The following DYM variants were observed in gnomAD, a reference collection of about 807,000 sequenced individuals.
DYM encodes the protein dyggve-Melchior-Clausen syndrome protein.
In DYM, 78 loss-of-function variants were observed where a neutral mutation model predicts 93.1. The ratio of observed to expected loss-of-function variants is 0.84; its 90% CI spans 0.70 to 1.01. The LOEUF (loss-of-function observed/expected upper bound fraction) is 1.01, where lower values mean the gene tolerates loss of function less well. Ranked by LOEUF, DYM falls within the 50% of genes least tolerant of loss-of-function variation. The probability of loss-of-function intolerance (pLI) is 0.00; values close to 1 mark genes in which losing one functional copy is unlikely to be tolerated. For synonymous variants in DYM, 321 were observed against 319.7 expected (o/e 1.00, Z -0.04); for missense variants, 789 against 845.0 (o/e 0.93, Z 0.82).
chr18:49,303,867 A>C (rs1400771160), intron 8 of DYM, among the ~76,000 whole-genome samples: 1 of 152,132 alleles, frequency 6.6e-6, no homozygotes, highest in Non-Finnish European at 1.5e-5. Context: ...ACATGGGGGG[A>C]AAATTACTAG....
intron 7 of DYM, 118 bp from the exon 8 acceptor site, chr18:49,332,124 C>T (rs2063351716): frequency 2.8e-6 from 3 of 1,064,532 alleles, no homozygotes; most frequent in Non-Finnish European, 4.2e-6. Flanking sequence ...GGGCTATTGG[C>T]ACAACTCACA....
At chr18:49,164,043 C>A (rs1383416813) in intron 14 of DYM, among the ~76,000 whole-genome samples, 1 of 152,050 alleles carries the variant, frequency 6.6e-6, no homozygotes, top group South Asian at 2.1e-4. Context: ...AACACAGGAG[C>A]ATTTTTCATA....
chr18:49,233,511 T>G (rs2093772067), intron 13 of DYM, among the ~76,000 whole-genome samples: 1 of 152,182 alleles, frequency 6.6e-6, no homozygotes, highest in Admixed American at 6.5e-5. Context: ...TTCTCTTCAA[T>G]CTAACCCTAT....
At chr18:49,270,147 C>T (rs182549325) in intron 11 of DYM, among the ~76,000 whole-genome samples, 1 of 152,312 alleles carries the variant, frequency 6.6e-6, no homozygotes, top group Admixed American at 6.5e-5. Context: ...TGTGTAAGCA[C>T]ACTCTACGAT....
chr18:49,279,973 A>G (rs2094930737), intron 10 of DYM, among the ~76,000 whole-genome samples: 1 of 152,220 alleles, frequency 6.6e-6, no homozygotes, highest in Admixed American at 6.5e-5. Context: ...AAAAATGGTA[A>G]CCAAATACTG....
chr18:49,362,339 A>G (rs1397947481), intron 6 of DYM, among the ~76,000 whole-genome samples: 1 of 152,150 alleles, frequency 6.6e-6, no homozygotes, highest in Non-Finnish European at 1.5e-5. Context: ...CTCTACTTTA[A>G]ATTTTTAAAA....
intron 2 of DYM, among the ~76,000 whole-genome samples, chr18:49,401,851 C>A (rs1333411607): frequency 2.6e-5 from 4 of 151,846 alleles, no homozygotes; most frequent in African/African-American, 9.7e-5. Flanking sequence ...CGTGGCAAAA[C>A]CCCATCTCTA....
intron 13 of DYM, among the ~76,000 whole-genome samples, chr18:49,212,253 G>A (rs925365160): frequency 1.3e-5 from 2 of 152,042 alleles, no homozygotes; most frequent in African/African-American, 4.8e-5. Context: ...TGACTTGGAG[G>A]AGAAAAAAGG....
intron 13 of DYM, among the ~76,000 whole-genome samples, chr18:49,249,625 AG>A (rs1457738537): frequency 6.6e-6 from 1 of 152,124 alleles, no homozygotes; most frequent in Admixed American, 6.5e-5. Flanking sequence ...AAAATAGAGG[AG>A]CTGACCACGT....
intron 8 of DYM, among the ~76,000 whole-genome samples, chr18:49,299,770 A>G (rs907453882): frequency 1.1e-4 from 16 of 152,064 alleles, no homozygotes; most frequent in Admixed American, 3.3e-4. Context: ...TGGTCCGGAC[A>G]CGGTGGCTCA....
chr18:49,166,767 A>T (rs1019230043), intron 14 of DYM, among the ~76,000 whole-genome samples: 2 of 152,176 alleles, frequency 1.3e-5, no homozygotes, highest in African/African-American at 4.8e-5. Flanking sequence ...TGGGTAGTCA[A>T]TTCTTGCACA....
intron 14 of DYM, among the ~76,000 whole-genome samples, chr18:49,199,062 GTT>G (rs2091775347): frequency 6.6e-6 from 1 of 152,220 alleles, no homozygotes; most frequent in African/African-American, 2.4e-5. Context: ...AAAAGGATGA[GTT>G]AATGTCCTTT....
intron 3 of DYM, among the ~76,000 whole-genome samples, chr18:49,388,313 A>G (rs1164733832): frequency 2.6e-5 from 4 of 152,154 alleles, no homozygotes; most frequent in Admixed American, 6.5e-5. Flanking sequence ...TGGGAAACAG[A>G]GTGAGACCCT....
At chr18:49,047,427 T>A (rs941217133) in intron 17 of DYM, among the ~76,000 whole-genome samples, 3 of 152,256 alleles carry the variant, frequency 2.0e-5, no homozygotes, top group African/African-American at 7.2e-5. Context: ...CCAGTCTGGC[T>A]GACAAAGTTT....
At chr18:49,208,064 T>A (rs1842310742) in intron 14 of DYM, among the ~76,000 whole-genome samples, 1 of 150,260 alleles carries the variant, frequency 6.7e-6, no homozygotes, top group African/African-American at 2.5e-5. Context: ...ACACCTGTAA[T>A]CCCAGCTACT....
chr18:49,277,064 G>A (rs948501725), intron 10 of DYM, among the ~76,000 whole-genome samples: 1 of 152,150 alleles, frequency 6.6e-6, no homozygotes, highest in African/African-American at 2.4e-5. Context: ...CTGTGACAGA[G>A]AATACAGGAG....
rs141785852 is a variant in DYM, at chr18:49,156,529, C to T, written c.1728+7156G>A. The stretch of plus-strand genomic sequence containing the variant: ...GGTGGATCACCTGAGGTCAGGAGTT[C>T]GAGACCAGCCTGGCCAACATGATGA... On this transcript the variant is annotated intron_variant, in intron 15 of 17. Transcript: ENST00000675505. 4.6e-5 allele frequency among the ~76,000 whole-genome samples: 7 copies of T among 151,846 alleles called. No homozygotes were observed. In the East Asian group the frequency reaches 7.7e-4, roughly 17 times the overall value.
chr18:49,093,539 C>A (rs562643524), intron 17 of DYM, among the ~76,000 whole-genome samples: 4 of 152,102 alleles, frequency 2.6e-5, no homozygotes, highest in African/African-American at 9.6e-5. Flanking sequence ...AGGGCGGCAA[C>A]GTGGAGGGAA....
intron 13 of DYM, among the ~76,000 whole-genome samples, chr18:49,215,728 T>C (rs1422831646): frequency 2.6e-5 from 4 of 152,246 alleles, no homozygotes. Context: ...ACAAATTTAA[T>C]TGCATCTCAA....
Sources: gnomAD v4.1 joint callset for allele counts (sites outside exome capture counted in the v4.1 genomes callset) on GRCh38, gnomAD v4.1.1 for gene constraint, MANE v1.5 for transcripts, NCBI Gene and HGNC (gene_info 2026-07-23, HGNC 2026-07-21) for gene names.